ULK4: variants seen among roughly 807,000 people sequenced by gnomAD.
ULK4 encodes inactive serine/threonine-protein kinase ULK4.
Under a neutral mutation model 160.6 loss-of-function variants are expected in ULK4, and 133 were observed. The ratio of observed to expected loss-of-function variants is 0.83; its 90% CI spans 0.72 to 0.96. The LOEUF is 0.96. Ranked by LOEUF, ULK4 falls within the 40% of genes least tolerant of loss-of-function variation. The pLI, the probability that ULK4 is intolerant of heterozygous loss-of-function variation, is 0.00. For missense variants in ULK4, 1,580 were observed against 1,499.5 expected, an observed-to-expected ratio of 1.05 and a Z score of -0.89; for synonymous variants, 534 against 539.8, an observed-to-expected ratio of 0.99 and a Z score of 0.15.
At chr3:41,577,597 A>AC (rs1309162480) in intron 31 of ULK4, among the ~76,000 whole-genome samples, 2 of 140,714 alleles carry the variant, frequency 1.4e-5, no homozygotes, top group African/African-American at 5.3e-5. Context: ...AACCATCCCC[A>AC]CCTCCCCCTC....
In ULK4 at chr3:41,833,509, G is replaced by A. The variant is rs968643178; in HGVS notation, c.1764+2355C>T. On this transcript the variant is annotated intron_variant, in intron 18 of 36. Transcript: ENST00000301831. ...GACGGGGTTTCACCATATTAGCCGGGATGGTTTTGATCTCCTGACCTCATG... is the reference window on the plus strand; with the variant it reads ...GACGGGGTTTCACCATATTAGCCGGAATGGTTTTGATCTCCTGACCTCATG... 3.9e-5 allele frequency among the ~76,000 whole-genome samples: 6 copies of A among 152,080 alleles called. No homozygotes were observed. The East Asian group carries it at 1.2e-3, about 29-fold the overall frequency.
At chr3:41,638,300 C>T (rs1343186368) in intron 30 of ULK4, among the ~76,000 whole-genome samples, 1 of 151,760 alleles carries the variant, frequency 6.6e-6, no homozygotes, top group Non-Finnish European at 1.5e-5. Flanking sequence ...GTCCATTTTC[C>T]CTTTGGGCCT....
At position 41,439,212 on chromosome 3, in the gene ULK4, G is replaced by A. The variant is rs544355085; in HGVS notation, c.3492+16285C>T. Reference sequence around the variant, plus strand: ...CTGGACCAAATTCACTGAAGGCTCAGTATCTGGATTTGTGATATACCAAAT... The same window carrying A: ...CTGGACCAAATTCACTGAAGGCTCAATATCTGGATTTGTGATATACCAAAT... On this transcript the variant is annotated intron_variant, in intron 34 of 36. Coordinates refer to ENST00000301831, the MANE Select transcript of ULK4 (RefSeq NM_017886.4). Among the ~76,000 whole-genome samples, 13 of 152,278 alleles carry A rather than the reference G, an allele frequency of 8.5e-5. No homozygotes were observed. The East Asian group carries it at 2.5e-3, about 29-fold the overall frequency.
chr3:41,507,743 A>C (rs960364278), intron 32 of ULK4, among the ~76,000 whole-genome samples: 13 of 152,286 alleles, frequency 8.5e-5, no homozygotes, highest in African/African-American at 2.9e-4. Flanking sequence ...TGGAGGTTGA[A>C]TCCCAGTATA....
chr3:41,649,487 G>C (rs919488121), intron 30 of ULK4, among the ~76,000 whole-genome samples: 1 of 152,064 alleles, frequency 6.6e-6, no homozygotes, highest in African/African-American at 2.4e-5. Context: ...CCTACGCTCA[G>C]AAGTGCCTGC....
At chr3:41,782,469 C>T (rs954356611) in intron 21 of ULK4, among the ~76,000 whole-genome samples, 1 of 151,804 alleles carries the variant, frequency 6.6e-6, no homozygotes, top group Non-Finnish European at 1.5e-5. Flanking sequence ...TTTAAAAAGA[C>T]GGAGATGATT....
At chr3:41,402,977 C>T (rs2082214179) in intron 34 of ULK4, among the ~76,000 whole-genome samples, 2 of 152,054 alleles carry the variant, frequency 1.3e-5, no homozygotes, top group South Asian at 2.1e-4. Context: ...ATGGAGAAAC[C>T]CCGTCTCTAC....
At chr3:41,672,590 T>G (rs1360818373) in intron 29 of ULK4, among the ~76,000 whole-genome samples, 1 of 152,140 alleles carries the variant, frequency 6.6e-6, no homozygotes, top group African/African-American at 2.4e-5. Context: ...GGTTAATGGG[T>G]ACAAACATAC....
At chr3:41,477,448 T>G (rs1475289330) in intron 32 of ULK4, among the ~76,000 whole-genome samples, 1 of 152,232 alleles carries the variant, frequency 6.6e-6, no homozygotes, top group Non-Finnish European at 1.5e-5. Context: ...GCATAGAGGC[T>G]TTCTTCTGGC....
chr3:41,913,969 G>A (rs1243218663), intron 8 of ULK4, among the ~76,000 whole-genome samples: 1 of 152,110 alleles, frequency 6.6e-6, no homozygotes, highest in Admixed American at 6.5e-5. Context: ...TCTCCGGGAG[G>A]GGGTGCGGCG....
At chr3:41,347,232 A>G (rs2080818912) in intron 35 of ULK4, among the ~76,000 whole-genome samples, 1 of 152,268 alleles carries the variant, frequency 6.6e-6, no homozygotes, top group Admixed American at 6.5e-5. Context: ...GTCCAAAGTT[A>G]GACATGTGCT....
chr3:41,779,925 T>C (rs1362616316), intron 21 of ULK4, among the ~76,000 whole-genome samples: 4 of 109,838 alleles, frequency 3.6e-5, no homozygotes, highest in Non-Finnish European at 7.1e-5. Flanking sequence ...GCATGGCACA[T>C]GTATACATAT....
chr3:41,608,366 A>T (rs1289441890), intron 31 of ULK4, among the ~76,000 whole-genome samples: 2 of 152,192 alleles, frequency 1.3e-5, no homozygotes, highest in African/African-American at 4.8e-5. Flanking sequence ...TTTAATCAAA[A>T]CTAGTAACTC....
At chr3:41,657,834 A>AAAAAAAAAAAAAAACAC (rs1553628520) in intron 30 of ULK4, among the ~76,000 whole-genome samples, 1 of 149,964 alleles carries the variant, frequency 6.7e-6, no homozygotes, top group African/African-American at 2.5e-5. Flanking sequence ...AAAAAAAAAA[A>AAAAAAAAAAAAAAACAC]ACACACACCA....
intron 32 of ULK4, among the ~76,000 whole-genome samples, chr3:41,501,502 CAAACA>C (rs1259020082): frequency 6.6e-6 from 1 of 151,852 alleles, no homozygotes; most frequent in East Asian, 1.9e-4. Context: ...CGTCTCAAAA[CAAACA>C]AAACAAAACA....
chr3:41,372,838 A>G (rs2081397834), intron 35 of ULK4, among the ~76,000 whole-genome samples: 2 of 152,242 alleles, frequency 1.3e-5, no homozygotes, highest in South Asian at 4.1e-4. Flanking sequence ...TAAAAGGCAC[A>G]GACTGGCAAA....
intron 32 of ULK4, among the ~76,000 whole-genome samples, chr3:41,561,213 C>G (rs1176701705): frequency 6.6e-6 from 1 of 152,166 alleles, no homozygotes; most frequent in Non-Finnish European, 1.5e-5. Context: ...AGGGACGAAG[C>G]CAACTTGATC....
At chr3:41,954,921 T>C (rs995359893) in intron 1 of ULK4, 114 bp from the exon 2 acceptor site, 48 of 641,566 alleles carry the variant, frequency 7.5e-5, no homozygotes, top group Non-Finnish European at 3.5e-5. Context: ...AATCGACAAA[T>C]TCAGAAAATT....
At chr3:41,703,356 C>T (rs1270292924) in intron 27 of ULK4, among the ~76,000 whole-genome samples, 1 of 151,852 alleles carries the variant, frequency 6.6e-6, no homozygotes, top group African/African-American at 2.4e-5. Flanking sequence ...AACTTCAAAG[C>T]AGTTAAACTA....
Sources: gnomAD v4.1 joint callset for allele counts (sites outside exome capture counted in the v4.1 genomes callset) on GRCh38, gnomAD v4.1.1 for gene constraint, MANE v1.5 for transcripts, NCBI Gene and HGNC (gene_info 2026-07-23, HGNC 2026-07-21) for gene names.